The following TOP3A variants were observed in gnomAD, a reference collection of about 807,000 sequenced individuals.
TOP3A encodes DNA topoisomerase III alpha.
TOP3A carries 64 observed loss-of-function variants against 111.3 expected under a neutral mutation model. The ratio of observed to expected loss-of-function variants is 0.57; its 90% CI spans 0.47 to 0.71. The LOEUF (loss-of-function observed/expected upper bound fraction) is 0.71, where lower values mean the gene tolerates loss of function less well. Ranked by LOEUF, TOP3A falls within the 30% of genes least tolerant of loss-of-function variation. TOP3A has a pLI of 0.00. For synonymous variants in TOP3A, 484 were observed against 485.1 expected (o/e 1.00, Z 0.03); for missense variants, 1,104 against 1,285.0 (o/e 0.86, Z 2.15).
rs1469524587 is a variant in TOP3A, at chr17:18,271,804, G to GT, written c.*2997dup. The GT allele has an allele frequency of 2.2e-6, 1 of 448,508 alleles. No homozygotes were observed. Among genetic ancestry groups the GT allele is most frequent in the South Asian group, 1.6e-5 (1 of 62,980 alleles). 27.8% of individuals were successfully genotyped at this position (448,508 alleles called of 1,614,324 possible). A position where few individuals can be genotyped will look rare whatever the true frequency, so the allele number is the denominator to read the frequency against. The stretch of plus-strand genomic sequence containing the variant: ...AGACCAGGTGTGATGGCTCCTGCCT[G>GT]TTAATCCTAGCACTTTGGGAGGCCG... On this transcript the variant is annotated 3_prime_UTR_variant, in exon 19 of 19. Coordinates refer to ENST00000321105, the MANE Select transcript of TOP3A (RefSeq NM_004618.5).
intron 13 of TOP3A, among the ~76,000 whole-genome samples, chr17:18,286,502 C>A (rs574057710): frequency 8.6e-5 from 13 of 151,944 alleles, no homozygotes; most frequent in African/African-American, 3.1e-4. Context: ...GGCAACAGAG[C>A]GAGACTCCAC....
chr17:18,281,127 C>T (rs558901378), intron 16 of TOP3A, among the ~76,000 whole-genome samples: 44 of 152,352 alleles, frequency 2.9e-4, no homozygotes, highest in African/African-American at 9.9e-4. Flanking sequence ...TACACCCCAC[C>T]CACTGCCCAT....
chr17:18,292,748 G>A lies in TOP3A; in HGVS notation c.1178C>T (p.Ala393Val). The change falls in exon 11 of 19, where the codon GCC becomes GTC. Residue 393 changes from alanine to valine, a missense_variant. Physicochemically the swap from Ala to Val is moderately conservative, Grantham distance 64. Coordinates refer to ENST00000321105, the MANE Select transcript of TOP3A (RefSeq NM_004618.5). ...QTPDPRWGAF[A>V]QSILERGGPT... Reference sequence around the variant, plus strand: ...ACCACCCCGCTCTAGAATGCTCTGGGCAAAGGCCCCCCAGCGTGGATCGGG... The same window carrying A: ...ACCACCCCGCTCTAGAATGCTCTGGACAAAGGCCCCCCAGCGTGGATCGGG... The A allele has an allele frequency of 3.1e-6, 5 of 1,613,788 alleles. No homozygotes were observed. Among genetic ancestry groups the A allele is most frequent in the Non-Finnish European group, 4.2e-6 (5 of 1,179,792 alleles).
Position 18,294,728 on chromosome 17 carries a change from T to C in TOP3A, c.1048A>G (p.Ile350Val), listed in dbSNP as rs890217087. ...LRINAKETMR[I>V]AEKLYTQGYI... ...CCTTGAGTGTAGAGCTTCTCAGCAATCCTCATGGTTTCTTTAGCATTTATT... is the reference window on the plus strand; with the variant it reads ...CCTTGAGTGTAGAGCTTCTCAGCAACCCTCATGGTTTCTTTAGCATTTATT... Residue 350 changes from isoleucine to valine, a missense_variant, in exon 10 of 19, where the codon ATT becomes GTT. Ile to Val is a conservative substitution (Grantham distance 29). Coordinates refer to ENST00000321105, the MANE Select transcript of TOP3A (RefSeq NM_004618.5). 1.2e-6 allele frequency: 2 copies of C among 1,613,126 alleles called. No individual in the cohort carries two copies. Among genetic ancestry groups the C allele is most frequent in the Non-Finnish European group, 1.7e-6 (2 of 1,179,590 alleles).
chr17:18,311,001 A>ATTTT (rs772922996), intron 1 of TOP3A, among the ~76,000 whole-genome samples: 24 of 142,154 alleles, frequency 1.7e-4, no homozygotes, highest in African/African-American at 5.7e-4. Flanking sequence ...ACAACTATGA[A>ATTTT]TTTTTTTTTT....
intron 3 of TOP3A, among the ~76,000 whole-genome samples, chr17:18,307,737 C>G (rs924737640): frequency 1.3e-5 from 2 of 151,856 alleles, no homozygotes; most frequent in African/African-American, 2.4e-5. Context: ...GGGTGAAACT[C>G]CATCTCTACT....
chr17:18,282,425 T>G (rs1979815867), intron 16 of TOP3A, among the ~76,000 whole-genome samples: 1 of 152,170 alleles, frequency 6.6e-6, no homozygotes, highest in Non-Finnish European at 1.5e-5. Context: ...CCTCCATGTG[T>G]TACACATTGG....
chr17:18,284,796 A>ATCTTTTTTTTT (rs1979987086), intron 15 of TOP3A, among the ~76,000 whole-genome samples: 3 of 152,342 alleles, frequency 2.0e-5, no homozygotes, highest in African/African-American at 4.8e-5. Context: ...AAAAAAGATA[A>ATCTTTTTTTTT]TTAAAATCAA....
intron 4 of TOP3A, among the ~76,000 whole-genome samples, chr17:18,305,879 G>C (rs1028558932): frequency 1.3e-5 from 2 of 151,444 alleles, no homozygotes; most frequent in African/African-American, 4.8e-5. Context: ...AATCCCAATT[G>C]AATTTCATCC....
At chr17:18,289,044 ACT>A (rs1354739035) in intron 13 of TOP3A, among the ~76,000 whole-genome samples, 4 of 151,736 alleles carry the variant, frequency 2.6e-5, no homozygotes, top group Admixed American at 2.6e-4. Context: ...ATGGAGTCTC[ACT>A]CTGTCACCCA....
intron 13 of TOP3A, among the ~76,000 whole-genome samples, chr17:18,287,484 C>T (rs915933607): frequency 2.0e-5 from 3 of 151,804 alleles, no homozygotes; most frequent in Non-Finnish European, 4.4e-5. Flanking sequence ...TGAAATCGTG[C>T]CACTACACTC....
At chr17:18,307,100 C>T (rs1363773109) in intron 3 of TOP3A, 134 bp from the exon 4 acceptor site, 3 of 620,198 alleles carry the variant, frequency 4.8e-6, no homozygotes, top group Non-Finnish European at 8.5e-6. Context: ...GAAAGTAAGG[C>T]TATGACCCTC....
At position 18,302,627 on chromosome 17, in the gene TOP3A, C is replaced by CTGTGG; in HGVS notation, c.595_596insCCACA (p.Arg199ThrfsTer4). The CTGTGG allele has an allele frequency of 6.2e-7, 1 of 1,614,234 alleles. No homozygotes were observed. Among genetic ancestry groups the CTGTGG allele is most frequent in the Admixed American group, 1.7e-5 (1 of 60,018 alleles). The stretch of plus-strand genomic sequence containing the variant: ...CCTCACATCCACAGCATCGCTCACC[C>CTGTGG]TCTGATCAGGCTCGGTCAGGTTTTC... On this transcript the variant is annotated frameshift_variant, in exon 6 of 19. Transcript: ENST00000321105. LOFTEE classifies it high-confidence loss of function.
chr17:18,308,850 T>C lies in TOP3A; in HGVS notation c.240+32A>G, dbSNP rs763434322. Reference sequence around the variant, plus strand: ...GCTGACTACTTTCTCTTGCTTATGATTGAAATATTTTAGAAATATTTTAGC... The same window carrying C: ...GCTGACTACTTTCTCTTGCTTATGACTGAAATATTTTAGAAATATTTTAGC... On this transcript the variant is annotated intron_variant, in intron 2 of 18. Transcript: ENST00000321105. 15 of 1,402,148 alleles carry C rather than the reference T, an allele frequency of 1.1e-5. No homozygotes were observed. In the South Asian group the frequency reaches 1.5e-4, roughly 14 times the overall value. 86.9% of individuals were successfully genotyped at this position (1,402,148 alleles called of 1,614,324 possible).
chr17:18,296,747 C>A (rs958608705), intron 9 of TOP3A, among the ~76,000 whole-genome samples: 1 of 152,134 alleles, frequency 6.6e-6, no homozygotes, highest in Non-Finnish European at 1.5e-5. Flanking sequence ...GTATGTCCAA[C>A]CTCCAGAGTG....
intron 16 of TOP3A, among the ~76,000 whole-genome samples, chr17:18,281,294 T>C (rs143172055): frequency 2.9e-4 from 44 of 152,224 alleles, no homozygotes; most frequent in African/African-American, 9.9e-4. Context: ...CTCCAATCAT[T>C]TAAATAAGAA....
chr17:18,285,343 C>T (rs745356230), intron 14 of TOP3A, 36 bp from the exon 15 acceptor site: 20 of 1,613,140 alleles, frequency 1.2e-5, no homozygotes, highest in Non-Finnish European at 1.7e-5. Context: ...GAGGGCCCAC[C>T]TGAGACCCTC....
intron 13 of TOP3A, among the ~76,000 whole-genome samples, chr17:18,288,668 T>C (rs1293374664): frequency 1.3e-5 from 2 of 152,176 alleles, no homozygotes; most frequent in African/African-American, 4.8e-5. Flanking sequence ...TCTGCTTTCC[T>C]GCTCCTGTGC....
rs776811505 is a variant in TOP3A, at chr17:18,302,453, T to C, written c.644-19A>G. ...GCAGCTCCTGGAGAGTGAAGGAGAG[T>C]GAAGGAAGGTGAAAATGATGGATAA... On this transcript the variant is annotated intron_variant, in intron 6 of 18. Coordinates refer to ENST00000321105, the MANE Select transcript of TOP3A (RefSeq NM_004618.5). 5.7e-6 allele frequency: 9 copies of C among 1,592,884 alleles called. No individual in the cohort carries two copies. The highest frequency in any genetic ancestry group is 1.4e-5 in the African/African-American group (1 of 73,894).
Sources: allele counts gnomAD v4.1 joint callset (sites outside exome capture counted in the v4.1 genomes callset), GRCh38; gene constraint gnomAD v4.1.1; transcripts MANE v1.5; gene names NCBI Gene and HGNC (gene_info 2026-07-23, HGNC 2026-07-21).